The following MELK variants were observed in gnomAD, a reference collection of about 807,000 sequenced individuals.
MELK encodes the protein pEg3 kinase.
A neutral mutation model predicts 85.0 loss-of-function variants in MELK; 81 were observed. The ratio of observed to expected loss-of-function variants is 0.95; its 90% CI spans 0.80 to 1.15. MELK has a LOEUF of 1.15. Ranked by LOEUF, MELK falls within the 50% of genes most tolerant of loss-of-function variation. MELK has a pLI of 0.00. For synonymous variants in MELK, 252 were observed against 265.0 expected, an observed-to-expected ratio of 0.95 and a Z score of 0.48; for missense variants, 754 against 777.5, an observed-to-expected ratio of 0.97 and a Z score of 0.36.
chr9:36,668,961 C>G (rs1434655182), intron 14 of MELK, among the ~76,000 whole-genome samples: 2 of 151,000 alleles, frequency 1.3e-5, no homozygotes, highest in Admixed American at 6.6e-5. Context: ...TGTATAAATA[C>G]AGATTGACTT....
intron 8 of MELK, among the ~76,000 whole-genome samples, chr9:36,612,411 AGCCTTGCTCTGTT>A: frequency 6.6e-6 from 1 of 151,624 alleles, no homozygotes; most frequent in Admixed American, 6.6e-5. Flanking sequence ...TTTGAGACAA[AGCCTTGCTCTGTT>A]GCCCAGGCTG....
rs769278274 is a variant in MELK at position 36,589,582 on chromosome 9, T to C, written c.191T>C (p.Leu64Pro). ...IKTEIEALKN[L>P]RHQHICQLYH... ...ACGGAGATTGAGGCCTTGAAGAACC[T>C]GAGACATCAGCATATATGTCAACTC... The change falls in exon 4 of 18, where the codon CTG (leucine) becomes CCG (proline). Residue 64 changes from leucine (L) to proline (P), a missense_variant. Transcript: ENST00000298048. 1.9e-6 allele frequency: 3 copies of C among 1,614,106 alleles called. No homozygotes were observed. Among genetic ancestry groups the C allele is most frequent in the Non-Finnish European group, 2.5e-6 (3 of 1,179,972 alleles).
chr9:36,591,653 G>A lies in MELK; in HGVS notation c.261+2001G>A, dbSNP rs1035804971. Among the ~76,000 whole-genome samples, 26 of 151,236 alleles carry A rather than the reference G, an allele frequency of 1.7e-4. No individual in the cohort carries two copies. In the East Asian group the frequency reaches 4.4e-3, roughly 25 times the overall value. On this transcript the variant is annotated intron_variant, in intron 4 of 17. Coordinates refer to ENST00000298048, the MANE Select transcript of MELK (RefSeq NM_014791.4). ...ATTTAAAAGGTACAAGAGAGTGGCC[G>A]GGTGCAGTGTCTCGTGCCTGTAATC...
Position 36,651,800 on chromosome 9 carries a change from C to CG in MELK, c.980dup (p.Pro329ThrfsTer26). 1 of 1,613,970 alleles carries CG rather than the reference C, an allele frequency of 6.2e-7. No individual in the cohort carries two copies. ...TCTTCTGCTTCTAGCCAAGAAGGCT[C>CG]GGGGAAAACCAGTTCGTTTAAGGCT... On this transcript the variant is annotated frameshift_variant, in exon 12 of 18. Coordinates refer to ENST00000298048, the MANE Select transcript of MELK (RefSeq NM_014791.4). LOFTEE classifies it high-confidence loss of function.
intron 17 of MELK, among the ~76,000 whole-genome samples, chr9:36,676,507 C>T (rs922807652): frequency 6.6e-6 from 1 of 152,128 alleles, no homozygotes; most frequent in Non-Finnish European, 1.5e-5. Flanking sequence ...TTGACTGGGC[C>T]TTTCCATTCT....
chr9:36,665,738 G>A (rs1435776316), intron 14 of MELK, among the ~76,000 whole-genome samples, 157 bp downstream of exon 14: 1 of 152,166 alleles, frequency 6.6e-6, no homozygotes, highest in Non-Finnish European at 1.5e-5. Flanking sequence ...TAAAATGAAA[G>A]CATATTTGTC....
At chr9:36,631,706 C>G (rs888669571) in intron 9 of MELK, among the ~76,000 whole-genome samples, 9 of 152,180 alleles carry the variant, frequency 5.9e-5, no homozygotes, top group Non-Finnish European at 1.2e-4. Context: ...TCCCAAGTAA[C>G]TGGGACCACT....
rs920562198 is a variant in MELK, at chr9:36,589,550, G to A, written c.159G>A (p.Arg53=). 1 of 1,613,522 alleles carries A rather than the reference G, an allele frequency of 6.2e-7. No individual in the cohort carries two copies. The highest frequency in any genetic ancestry group is 8.5e-7 in the Non-Finnish European group (1 of 1,179,552). The change falls in exon 4 of 18, where the codon CGG becomes CGA. Residue 53 remains arginine (R), a synonymous_variant. Coordinates refer to ENST00000298048, the MANE Select transcript of MELK (RefSeq NM_014791.4). ...TTTTGTCACAGAGTGATTTGCCCCG[G>A]ATCAAAACGGAGATTGAGGCCTTGA... ...DKNTLGSDLP[R]IKTEIEALKN... is the part of the protein sequence containing the mutation.
chr9:36,674,739 A>T, intron 16 of MELK, 95 bp from the exon 17 acceptor site: 1 of 678,958 alleles, frequency 1.5e-6, no homozygotes, highest in Non-Finnish European at 2.5e-6. Flanking sequence ...TTGAAACAGT[A>T]CTATATTGAG....
intron 3 of MELK, among the ~76,000 whole-genome samples, chr9:36,588,177 C>T (rs1823142197): frequency 6.6e-6 from 1 of 151,444 alleles, no homozygotes; most frequent in Non-Finnish European, 1.5e-5. Flanking sequence ...CTGCCTCAGC[C>T]TCCAGAGTAG....
intron 8 of MELK, among the ~76,000 whole-genome samples, chr9:36,617,459 A>G (rs1001549434): frequency 6.6e-6 from 1 of 151,944 alleles, no homozygotes; most frequent in African/African-American, 2.4e-5. Context: ...CAGCCTCCTG[A>G]GTAGCTGGAA....
chr9:36,615,226 C>G (rs1161620485), intron 8 of MELK, among the ~76,000 whole-genome samples: 3 of 134,596 alleles, frequency 2.2e-5, no homozygotes, highest in African/African-American at 5.9e-5. Context: ...TCCCAGACGG[C>G]ACGGCTGGCC....
Position 36,671,094 on chromosome 9 carries a change from G to A in MELK, c.1602G>A (p.Leu534=), listed in dbSNP as rs1173518266. ...AKVFGSLERG[L]DKVITVLTRS... is the part of the protein sequence containing the mutation. ...TGTTTGGGAGCCTTGAAAGGGGGTT[G>A]GATAAGGTTATCACTGTGCTCACCA... is the stretch of plus-strand genomic sequence containing the variant. Residue 534 remains leucine (L), a synonymous_variant, in exon 16 of 18, where the codon TTG becomes TTA. Coordinates refer to ENST00000298048, the MANE Select transcript of MELK (RefSeq NM_014791.4). 6.2e-7 allele frequency: 1 copy of A among 1,613,174 alleles called. No homozygotes were observed. Among genetic ancestry groups the A allele is most frequent in the South Asian group, 1.1e-5 (1 of 90,832 alleles).
chr9:36,594,505 G>T lies in MELK; in HGVS notation c.262-123G>T, dbSNP rs796527691. 9.3e-6 allele frequency: 10 copies of T among 1,073,068 alleles called. No homozygotes were observed. The African/African-American group carries it at 1.6e-4, about 17-fold the overall frequency. 66.5% of individuals were successfully genotyped at this position (1,073,068 alleles called of 1,614,324 possible). A position where few individuals can be genotyped will look rare whatever the true frequency, so the allele number is the denominator to read the frequency against. On this transcript the variant is annotated intron_variant, in intron 4 of 17. Transcript: ENST00000298048. ...GTGTACTTTTGAATATACCTTACTCGGTTCCATTCCCTATAAAGTCGAATT... is the reference window on the plus strand; with the variant it reads ...GTGTACTTTTGAATATACCTTACTCTGTTCCATTCCCTATAAAGTCGAATT...
At chr9:36,674,399 A>G (rs931162301) in intron 16 of MELK, among the ~76,000 whole-genome samples, 7 of 152,254 alleles carry the variant, frequency 4.6e-5, no homozygotes, top group Non-Finnish European at 7.3e-5. Context: ...TAAATAATCC[A>G]GAAAGAGTTA....
chr9:36,621,277 A>G (rs1481160572), intron 8 of MELK, among the ~76,000 whole-genome samples: 2 of 38,578 alleles, frequency 5.2e-5, no homozygotes, highest in Admixed American at 2.7e-4. Flanking sequence ...GTCTCAGGGA[A>G]AAAAAAAAAA....
At position 36,677,247 on chromosome 9, in the gene MELK, TGTG is replaced by T. The variant is rs763153335; in HGVS notation, c.1871_1873del (p.Val624del). ...AAGTGTGCCAGCTTCAAAAACCCGA[TGTG>T]GTGGGTATCAGGAGGCAGCGGCTTA... On this transcript the variant is annotated inframe_deletion, in exon 18 of 18. Coordinates refer to ENST00000298048, the MANE Select transcript of MELK (RefSeq NM_014791.4). 1.2e-6 allele frequency: 2 copies of T among 1,614,110 alleles called. No homozygotes were observed. The highest frequency in any genetic ancestry group is 2.2e-5 in the South Asian group (2 of 91,060).
chr9:36,677,063 A>T, intron 17 of MELK, 97 bp from the exon 18 acceptor site: 2 of 1,035,582 alleles, frequency 1.9e-6, no homozygotes, highest in Non-Finnish European at 2.8e-6. Flanking sequence ...ATATGAAATA[A>T]TGGTTCATTT....
intron 10 of MELK, among the ~76,000 whole-genome samples, chr9:36,637,322 G>A (rs569130657): frequency 4.6e-5 from 7 of 152,242 alleles, no homozygotes; most frequent in African/African-American, 7.2e-5. Flanking sequence ...ATAAGGGAAC[G>A]GAAAAATGAA....
Sources: gnomAD v4.1 joint callset for allele counts (sites outside exome capture counted in the v4.1 genomes callset) on GRCh38, gnomAD v4.1.1 for gene constraint, MANE v1.5 for transcripts, NCBI Gene and HGNC (gene_info 2026-07-23, HGNC 2026-07-21) for gene names.